JAM2: variants seen among roughly 807,000 people sequenced by gnomAD.
The protein encoded by JAM2 is junctional adhesion molecule 2, also known as junctional adhesion molecule B.
Under a neutral mutation model 42.0 loss-of-function variants are expected in JAM2, and 17 were observed. The observed-to-expected ratio is 0.40, with a 90% CI of 0.28 to 0.61. The LOEUF is 0.61. Among genes scored for constraint, JAM2 ranks in the 20% least tolerant of loss-of-function variants. The probability of loss-of-function intolerance (pLI) is 0.37; values close to 1 mark genes in which losing one functional copy is unlikely to be tolerated. For missense variants in JAM2, 319 were observed against 358.3 expected (o/e 0.89, Z 0.89); for synonymous variants, 118 against 128.6 (o/e 0.92, Z 0.56).
At chr21:25,696,068 A>C (rs1281452080) in intron 4 of JAM2, among the ~76,000 whole-genome samples, 1 of 152,204 alleles carries the variant, frequency 6.6e-6, no homozygotes, top group Non-Finnish European at 1.5e-5. Flanking sequence ...GCGAGCCGAG[A>C]TCACGCCACT....
intron 8 of JAM2, 77 bp downstream of exon 8, chr21:25,709,526 A>G: frequency 1.0e-6 from 1 of 974,600 alleles, no homozygotes; most frequent in Non-Finnish European, 1.6e-6. Flanking sequence ...TTAAAGTCAA[A>G]AGAGAGAAGT....
intron 2 of JAM2, among the ~76,000 whole-genome samples, chr21:25,688,572 T>A (rs1256876871): frequency 6.6e-6 from 1 of 152,226 alleles, no homozygotes; most frequent in African/African-American, 2.4e-5. Context: ...ATTGTAAACA[T>A]GTCTGTAAAA....
At chr21:25,695,645 A>G (rs192165086) in intron 4 of JAM2, among the ~76,000 whole-genome samples, 2 of 148,314 alleles carry the variant, frequency 1.3e-5, no homozygotes, top group Admixed American at 1.3e-4. Context: ...GGCAGGGCGG[A>G]GATGCTCCTC....
Position 25,707,662 on chromosome 21 carries a change from CTT to C in JAM2, c.805+1577_805+1578del, listed in dbSNP as rs752322043. On this transcript the variant is annotated intron_variant, in intron 7 of 9. Coordinates refer to ENST00000480456, the MANE Select transcript of JAM2 (RefSeq NM_021219.4). ...GTGGGATTTAAAAATGTTTTATTCT[CTT>C]AATGCATTTCTTCACTCCCTCTTTA... 1.6e-4 allele frequency among the ~76,000 whole-genome samples: 25 copies of C among 152,214 alleles called. No homozygotes were observed. In the South Asian group the frequency reaches 3.7e-3, roughly 23 times the overall value.
chr21:25,695,587 G>A (rs903309069), intron 4 of JAM2, among the ~76,000 whole-genome samples: 16 of 149,138 alleles, frequency 1.1e-4, no homozygotes, highest in African/African-American at 4.1e-4. Context: ...CGGACGGGGC[G>A]GCGGCCGGGC....
At chr21:25,665,943 G>A (rs1017050676) in intron 1 of JAM2, among the ~76,000 whole-genome samples, 2 of 152,110 alleles carry the variant, frequency 1.3e-5, no homozygotes, top group African/African-American at 4.8e-5. Context: ...GGGAGGCTGA[G>A]GCAGGAGAAT....
chr21:25,674,422 A>T (rs1447756089), intron 1 of JAM2, among the ~76,000 whole-genome samples: 1 of 152,146 alleles, frequency 6.6e-6, no homozygotes, highest in Non-Finnish European at 1.5e-5. Flanking sequence ...AAAAAATAAA[A>T]AATAAATAAA....
intron 1 of JAM2, among the ~76,000 whole-genome samples, chr21:25,682,346 C>T (rs1013506079): frequency 1.3e-5 from 2 of 152,202 alleles, no homozygotes; most frequent in African/African-American, 4.8e-5. Flanking sequence ...CTTTCTGATA[C>T]TTTCTTCTTT....
chr21:25,712,222 T>A (rs1011410645), intron 8 of JAM2, 118 bp from the exon 9 acceptor site: 5 of 738,314 alleles, frequency 6.8e-6, no homozygotes, highest in Non-Finnish European at 1.2e-5. Context: ...CTACCTAAGA[T>A]ATATGTTCAT....
In JAM2 at chr21:25,698,766, C is replaced by A; in HGVS notation, c.484C>A (p.Pro162Thr). The A allele has an allele frequency of 6.2e-7, 1 of 1,614,088 alleles. No homozygotes were observed. The highest frequency in any genetic ancestry group is 8.5e-7 in the Non-Finnish European group (1 of 1,179,980). ...ACGATGTCAAGACAAAGAAGGGAAT[C>A]CAGCTCCTGAATACACATGGTTTAA... Reference protein sequence around the residue: ...ELRCQDKEGNPAPEYTWFKDG... With the variant: ...ELRCQDKEGNTAPEYTWFKDG... Residue 162 changes from proline to threonine, a missense_variant, in exon 5 of 10, where the codon CCA (proline) becomes ACA (threonine). Pro to Thr is a conservative substitution (Grantham distance 38). Coordinates refer to ENST00000480456, the MANE Select transcript of JAM2 (RefSeq NM_021219.4).
intron 1 of JAM2, among the ~76,000 whole-genome samples, chr21:25,644,376 G>T (rs1050858701): frequency 6.6e-6 from 1 of 152,198 alleles, no homozygotes; most frequent in Non-Finnish European, 1.5e-5. Context: ...CATTCCTTCT[G>T]GAGGTTCTAG....
At chr21:25,657,332 T>C (rs945465825) in intron 1 of JAM2, among the ~76,000 whole-genome samples, 3 of 152,256 alleles carry the variant, frequency 2.0e-5, no homozygotes, top group Non-Finnish European at 4.4e-5. Context: ...ATCTTTTACC[T>C]AAAAGAGTAT....
At position 25,649,578 on chromosome 21, in the gene JAM2, C is replaced by A. The variant is rs540592229; in HGVS notation, c.67+9690C>A. Among the ~76,000 whole-genome samples the A allele has an allele frequency of 2.0e-4, 31 of 152,262 alleles. 1 individual carries two copies. Among genetic ancestry groups the A allele is most frequent in the Middle Eastern group, 3.4e-3 (1 of 294 alleles). On this transcript the variant is annotated intron_variant, in intron 1 of 9. Transcript: ENST00000480456. ...GATGAGATTTGGGTGGCGACACAAC[C>A]AAACCGTATTAGCATGTTAGTTGTA...
At chr21:25,646,072 T>C (rs2123304404) in intron 1 of JAM2, among the ~76,000 whole-genome samples, 1 of 152,350 alleles carries the variant, frequency 6.6e-6, no homozygotes, top group African/African-American at 2.4e-5. Context: ...ACACTTAGGC[T>C]ACACTAAATT....
chr21:25,702,267 T>C lies in JAM2; in HGVS notation c.695T>C (p.Val232Ala). Residue 232 changes from valine to alanine, a missense_variant and splice_region_variant, in exon 6 of 10, where the codon GTA becomes GCA. Physicochemically the swap from Val to Ala is moderately conservative, Grantham distance 64. Transcript: ENST00000480456. Reference sequence around the variant, plus strand: ...AGGTGTCCTGGGAAACGAATGCAAGTAGGTAAGCATGAAATATTGGGAGGA... The same window carrying C: ...AGGTGTCCTGGGAAACGAATGCAAGCAGGTAAGCATGAAATATTGGGAGGA... ...YRRCPGKRMQ[V>A]DDLNISGIIA... 1 of 1,581,918 alleles carries C rather than the reference T, an allele frequency of 6.3e-7. No individual in the cohort carries two copies. Among genetic ancestry groups the C allele is most frequent in the Non-Finnish European group, 8.7e-7 (1 of 1,154,860 alleles).
intron 2 of JAM2, among the ~76,000 whole-genome samples, chr21:25,686,339 C>T (rs80054715): frequency 0.013 from 2,000 of 152,208 alleles, 46 homozygotes; most frequent in African/African-American, 0.046. Context: ...AGTTTTGGCT[C>T]TTCATAAGGC....
At chr21:25,696,269 T>G (rs2034029305) in intron 4 of JAM2, among the ~76,000 whole-genome samples, 1 of 151,906 alleles carries the variant, frequency 6.6e-6, no homozygotes, top group African/African-American at 2.4e-5. Flanking sequence ...GCGCCTGCAA[T>G]CCCAGGCGCT....
chr21:25,712,168 A>G (rs1256055298), intron 8 of JAM2, 172 bp from the exon 9 acceptor site: 21 of 645,152 alleles, frequency 3.3e-5, no homozygotes, highest in Non-Finnish European at 6.0e-5. Context: ...CTCTGTGAAT[A>G]TTGTCTGTAA....
chr21:25,695,874 GC>G lies in JAM2; in HGVS notation c.394+1968del, dbSNP rs572856085. 4.6e-5 allele frequency among the ~76,000 whole-genome samples: 7 copies of G among 151,836 alleles called. No homozygotes were observed. In the South Asian group the frequency reaches 1.5e-3, roughly 32 times the overall value. On this transcript the variant is annotated intron_variant, in intron 4 of 9. Transcript: ENST00000480456. Reference sequence around the variant, plus strand: ...CTTCCCACATCTCAGAAGATGGGCGGCCGGGAAGAGGCGCTCCTCACTTCCC... The same window carrying G: ...CTTCCCACATCTCAGAAGATGGGCGGCGGGAAGAGGCGCTCCTCACTTCCC...
Sources: gnomAD v4.1 joint callset for allele counts (sites outside exome capture counted in the v4.1 genomes callset) on GRCh38, gnomAD v4.1.1 for gene constraint, MANE v1.5 for transcripts, NCBI Gene and HGNC (gene_info 2026-07-23, HGNC 2026-07-21) for gene names.